Variants in ANKRD17 observed in about 807,000 individuals in gnomAD.
ANKRD17 encodes ankyrin repeat domain-containing protein 17.
Under a neutral mutation model 229.7 loss-of-function variants are expected in ANKRD17, and 19 were observed. That is an observed-to-expected ratio of 0.08 (90% CI 0.06 to 0.12). The LOEUF (loss-of-function observed/expected upper bound fraction) is 0.12. ANKRD17 is among the 10% of genes least tolerant of loss of function. The pLI is 1.00. For synonymous variants in ANKRD17, 1,112 were observed against 1,146.1 expected (o/e 0.97, Z 0.60); for missense variants, 2,176 against 3,176.8 (o/e 0.68, Z 7.57).
At chr4:73,094,940 G>C (rs201191175) in intron 27 of ANKRD17, among the ~76,000 whole-genome samples, 12 of 152,100 alleles carry the variant, frequency 7.9e-5, no homozygotes, top group African/African-American at 2.7e-4. Flanking sequence ...GGAGGCCAAG[G>C]CAGGCAGATC....
rs1363029304 is a variant in ANKRD17, at chr4:73,101,007, T to C, written c.4573+1369A>G. On this transcript the variant is annotated intron_variant, in intron 25 of 33. Transcript: ENST00000358602. ...ACAAATACGAATTTAAAAAATACAGTATAACAACTATTTACATAGCATTTG... is the reference window on the plus strand; with the variant it reads ...ACAAATACGAATTTAAAAAATACAGCATAACAACTATTTACATAGCATTTG... The C allele has an allele frequency of 3.1e-6, 3 of 971,360 alleles. No individual in the cohort carries two copies. The East Asian group carries it at 3.4e-4, about 111-fold the overall frequency. The allele number at this position is 971,360 out of a possible 1,614,324, so 60.2% of individuals were successfully genotyped here. A position where few individuals can be genotyped will look rare whatever the true frequency, so the allele number is the denominator to read the frequency against.
intron 1 of ANKRD17, among the ~76,000 whole-genome samples, chr4:73,180,938 C>CT (rs1440331050): frequency 3.3e-5 from 5 of 152,060 alleles, no homozygotes; most frequent in Non-Finnish European, 7.4e-5. Context: ...AAAACAAACA[C>CT]TTTTTTTGGT....
At chr4:73,098,683 T>A in intron 25 of ANKRD17, 163 bp from the exon 26 acceptor site, 3 of 839,890 alleles carry the variant, frequency 3.6e-6, no homozygotes, top group Non-Finnish European at 5.8e-6. Context: ...AGGACTGATA[T>A]ACTCTGTGTA....
chr4:73,162,921 A>G (rs1460335396), intron 2 of ANKRD17, among the ~76,000 whole-genome samples: 1 of 151,854 alleles, frequency 6.6e-6, no homozygotes, highest in Non-Finnish European at 1.5e-5. Flanking sequence ...GTACAGTGGC[A>G]TGATCATGGT....
chr4:73,141,889 A>G (rs1451485115), intron 13 of ANKRD17, 46 bp from the exon 14 acceptor site: 5 of 1,371,016 alleles, frequency 3.6e-6, no homozygotes, highest in Non-Finnish European at 2.1e-6. Context: ...TACACAATCC[A>G]TTAAGTAATA....
Position 73,222,495 on chromosome 4 carries a change from C to T in ANKRD17, c.393+35781G>A, listed in dbSNP as rs113991685. Among the ~76,000 whole-genome samples, 369 of 152,152 alleles carry T rather than the reference C, an allele frequency of 2.4e-3. 2 individuals are homozygous for T. Among genetic ancestry groups the T allele is most frequent in the South Asian group, 0.016 (77 of 4,822 alleles). On this transcript the variant is annotated intron_variant, in intron 1 of 33. Transcript: ENST00000358602. ...ATGAAAAATCTAGGACCAGAGTATA[C>T]CAGCTAAATTAAGCAATCAGATTGA... is the stretch of plus-strand genomic sequence containing the variant.
chr4:73,223,442 G>A (rs948295666), intron 1 of ANKRD17, among the ~76,000 whole-genome samples: 1 of 152,220 alleles, frequency 6.6e-6, no homozygotes, highest in Non-Finnish European at 1.5e-5. Flanking sequence ...ATTAATGGTT[G>A]TATTAAAGAC....
chr4:73,158,847 C>G (rs1418401461), intron 3 of ANKRD17, among the ~76,000 whole-genome samples: 2 of 152,242 alleles, frequency 1.3e-5, no homozygotes, highest in Admixed American at 1.3e-4. Flanking sequence ...GCCTGTGCTG[C>G]CTCAGGGCTC....
Position 73,097,102 on chromosome 4 carries a change from A to G in ANKRD17, c.5177+15T>C. The G allele has an allele frequency of 6.2e-7, 1 of 1,606,118 alleles. No homozygotes were observed. The highest frequency in any genetic ancestry group is 8.5e-7 in the Non-Finnish European group (1 of 1,177,278). On this transcript the variant is annotated intron_variant, in intron 27 of 33. Transcript: ENST00000358602. ...TATATAGCACATAAAAAGAATGACA[A>G]AAACAATTACTCACCTTCTTACAAC...
intron 1 of ANKRD17, among the ~76,000 whole-genome samples, chr4:73,198,575 TA>T (rs1489920065): frequency 6.6e-6 from 1 of 152,132 alleles, no homozygotes; most frequent in African/African-American, 2.4e-5. Flanking sequence ...AAAGAAAAAT[TA>T]AATGTTATTA....
Position 73,102,371 on chromosome 4 carries a change from A to C in ANKRD17, c.4573+5T>G, listed in dbSNP as rs756616261. 1 of 1,576,814 alleles carries C rather than the reference A, an allele frequency of 6.3e-7. No homozygotes were observed. Among genetic ancestry groups the C allele is most frequent in the South Asian group, 1.2e-5 (1 of 83,252 alleles). ...ACAAATGGGATGGTTGTTAAGAGAAAATACCTTCAACTTTAAGCTTTTCTT... is the reference window on the plus strand; with the variant it reads ...ACAAATGGGATGGTTGTTAAGAGAACATACCTTCAACTTTAAGCTTTTCTT... On this transcript the variant is annotated splice_donor_5th_base_variant and intron_variant, in intron 25 of 33. Coordinates refer to ENST00000358602, the MANE Select transcript of ANKRD17 (RefSeq NM_032217.5).
At chr4:73,187,953 A>G (rs1736516895) in intron 1 of ANKRD17, among the ~76,000 whole-genome samples, 1 of 152,352 alleles carries the variant, frequency 6.6e-6, no homozygotes, top group Non-Finnish European at 1.5e-5. Flanking sequence ...AAGAGGATTT[A>G]GAAATAGAAG....
At chr4:73,202,546 TC>T (rs994047361) in intron 1 of ANKRD17, among the ~76,000 whole-genome samples, 4 of 152,204 alleles carry the variant, frequency 2.6e-5, no homozygotes, top group Admixed American at 6.5e-5. Flanking sequence ...GAGAGAGATT[TC>T]ATTGAACACA....
chr4:73,110,011 C>CAAAAAAAAAAAAAAAAAAAA (rs1175850592), intron 24 of ANKRD17, among the ~76,000 whole-genome samples: 1 of 33,220 alleles, frequency 3.0e-5, no homozygotes, highest in Non-Finnish European at 5.1e-5. Flanking sequence ...AAAAGTTTAC[C>CAAAAAAAAAAAAAAAAAAAA]AAAAAAAAAA....
At chr4:73,142,458 T>C (rs1045910901) in intron 12 of ANKRD17, 73 bp from the exon 13 acceptor site, 60 of 1,573,688 alleles carry the variant, frequency 3.8e-5, no homozygotes, top group Non-Finnish European at 1.7e-5. Context: ...CTTAGGAAGA[T>C]AAAGCCAACA....
chr4:73,198,068 T>A (rs1738139921), intron 1 of ANKRD17, among the ~76,000 whole-genome samples: 1 of 152,094 alleles, frequency 6.6e-6, no homozygotes. Flanking sequence ...ATACATACAA[T>A]CTAAAAACTT....
rs1006198623 is a variant in ANKRD17 at position 73,235,821 on chromosome 4, A to G, written c.393+22455T>C. On this transcript the variant is annotated intron_variant, in intron 1 of 33. Coordinates refer to ENST00000358602, the MANE Select transcript of ANKRD17 (RefSeq NM_032217.5). ...TCAGGATTCCAATAGTTTCAGAAAG[A>G]AAAAGAAGGAAGAAGGGAAGGTTCG... Among the ~76,000 whole-genome samples the G allele has an allele frequency of 3.9e-5, 6 of 152,266 alleles. No individual in the cohort carries two copies. In the East Asian group the frequency reaches 1.2e-3, roughly 29 times the overall value.
intron 1 of ANKRD17, among the ~76,000 whole-genome samples, chr4:73,186,614 C>T (rs554492876): frequency 3.4e-4 from 52 of 152,188 alleles, no homozygotes; most frequent in African/African-American, 9.9e-4. Context: ...TTTCGTAAAA[C>T]GTGACTTCTT....
At chr4:73,144,598 C>T in intron 11 of ANKRD17, 147 bp downstream of exon 11, 2 of 446,718 alleles carry the variant, frequency 4.5e-6, no homozygotes, top group Non-Finnish European at 7.8e-6. Context: ...GGATGTTTAT[C>T]AACTATCCAC....
Sources: allele counts gnomAD v4.1 joint callset (sites outside exome capture counted in the v4.1 genomes callset), GRCh38; gene constraint gnomAD v4.1.1; transcripts MANE v1.5; gene names NCBI Gene and HGNC (gene_info 2026-07-23, HGNC 2026-07-21).